PDGFD: variants seen among roughly 807,000 people sequenced by gnomAD.
PDGFD encodes the protein platelet-derived growth factor D.
PDGFD carries 30 observed loss-of-function variants against 44.7 expected under a neutral mutation model. The observed-to-expected ratio is 0.67, with a 90% CI of 0.50 to 0.91. The LOEUF is 0.91. Ranked by LOEUF, PDGFD falls within the 40% of genes least tolerant of loss-of-function variation. PDGFD has a pLI of 0.00. For missense variants in PDGFD, 445 were observed against 457.8 expected (o/e 0.97, Z 0.25); for synonymous variants, 173 against 168.4 (o/e 1.03, Z -0.21).
chr11:103,961,426 CAGA>C (rs1858933937), intron 3 of PDGFD, among the ~76,000 whole-genome samples: 1 of 152,118 alleles, frequency 6.6e-6, no homozygotes, highest in Non-Finnish European at 1.5e-5. Flanking sequence ...AGGAAGGTCT[CAGA>C]AGAAGTGGCC....
intron 3 of PDGFD, among the ~76,000 whole-genome samples, chr11:103,994,236 T>C (rs1455893683): frequency 5.3e-5 from 8 of 152,360 alleles, no homozygotes; most frequent in African/African-American, 1.7e-4. Flanking sequence ...TTAGCACTAA[T>C]AGTGCTTGGT....
At chr11:103,987,122 G>A (rs1265644604) in intron 3 of PDGFD, among the ~76,000 whole-genome samples, 1 of 145,272 alleles carries the variant, frequency 6.9e-6, no homozygotes, top group African/African-American at 2.6e-5. Flanking sequence ...AGTTTTTGCA[G>A]AGACTGATTT....
At chr11:103,918,248 C>T (rs1003072121) in intron 6 of PDGFD, among the ~76,000 whole-genome samples, 2 of 152,164 alleles carry the variant, frequency 1.3e-5, no homozygotes, top group Non-Finnish European at 2.9e-5. Flanking sequence ...TTCTATTGCA[C>T]TTACAATAGG....
intron 3 of PDGFD, among the ~76,000 whole-genome samples, chr11:103,981,952 T>TATAAGGTGCAA (rs1199353290): frequency 1.3e-5 from 2 of 151,856 alleles, no homozygotes; most frequent in Non-Finnish European, 2.9e-5. Context: ...GGTGCAACTA[T>TATAAGGTGCAA]ATGCCTCTTA....
chr11:103,985,195 A>G (rs1369988872), intron 3 of PDGFD, among the ~76,000 whole-genome samples: 1 of 141,726 alleles, frequency 7.1e-6, no homozygotes, highest in Non-Finnish European at 1.5e-5. Context: ...TATATAATAT[A>G]TATTAATACA....
chr11:104,145,047 C>A (rs543111328), intron 1 of PDGFD, among the ~76,000 whole-genome samples: 1 of 152,160 alleles, frequency 6.6e-6, no homozygotes, highest in East Asian at 1.9e-4. Flanking sequence ...TGATATTGTG[C>A]TAAATAACTA....
chr11:104,064,358 T>G (rs2134416266), intron 1 of PDGFD, among the ~76,000 whole-genome samples: 1 of 152,348 alleles, frequency 6.6e-6, no homozygotes, highest in South Asian at 2.1e-4. Flanking sequence ...TTCCAAAGTA[T>G]TCTTTATACA....
At chr11:104,045,254 A>G (rs1248516299) in intron 1 of PDGFD, among the ~76,000 whole-genome samples, 2 of 152,156 alleles carry the variant, frequency 1.3e-5, no homozygotes, top group African/African-American at 2.4e-5. Flanking sequence ...AGAATGTCCT[A>G]TTCTCTTTAT....
intron 1 of PDGFD, among the ~76,000 whole-genome samples, chr11:104,101,466 T>C (rs1023273774): frequency 6.6e-6 from 1 of 151,352 alleles, no homozygotes; most frequent in Non-Finnish European, 1.5e-5. Context: ...TATGAACAAA[T>C]GGAAGAATCA....
intron 2 of PDGFD, among the ~76,000 whole-genome samples, chr11:103,999,320 A>G (rs1343924442): frequency 6.6e-6 from 1 of 152,208 alleles, no homozygotes; most frequent in East Asian, 1.9e-4. Context: ...AAAAAGAAAA[A>G]AAAAATCTTC....
intron 1 of PDGFD, among the ~76,000 whole-genome samples, chr11:104,099,567 G>C (rs1487441571): frequency 2.0e-5 from 3 of 151,492 alleles, no homozygotes; most frequent in African/African-American, 7.3e-5. Flanking sequence ...AGGAGGCAGA[G>C]GTGGCAGTGA....
intron 6 of PDGFD, among the ~76,000 whole-genome samples, chr11:103,913,271 T>C (rs764520135): frequency 6.6e-6 from 1 of 152,116 alleles, no homozygotes; most frequent in Non-Finnish European, 1.5e-5. Flanking sequence ...CCTCAGCAAA[T>C]GCAAAAGAAC....
At chr11:104,028,964 G>C (rs1158685767) in intron 1 of PDGFD, among the ~76,000 whole-genome samples, 2 of 152,092 alleles carry the variant, frequency 1.3e-5, no homozygotes, top group Non-Finnish European at 1.5e-5. Flanking sequence ...ACTCTGATTA[G>C]TTCCTGTCCT....
chr11:103,908,570 A>T lies in PDGFD; in HGVS notation c.*1124T>A, dbSNP rs554025405. 1.6e-4 allele frequency: 25 copies of T among 152,346 alleles called. No homozygotes were observed. In the South Asian group the frequency reaches 4.6e-3, roughly 28 times the overall value. 9.4% of individuals were successfully genotyped at this position (152,346 alleles called of 1,614,324 possible). Reference sequence around the variant, plus strand: ...ACACAAAAGCTTTTAGGTTGTAAATAATCTATGATGGCCTGCCAAATATAA... The same window carrying T: ...ACACAAAAGCTTTTAGGTTGTAAATTATCTATGATGGCCTGCCAAATATAA... On this transcript the variant is annotated 3_prime_UTR_variant, in exon 7 of 7. Coordinates refer to ENST00000393158, the MANE Select transcript of PDGFD (RefSeq NM_025208.5).
chr11:104,041,099 A>G (rs1375059145), intron 1 of PDGFD, among the ~76,000 whole-genome samples: 1 of 152,072 alleles, frequency 6.6e-6, no homozygotes, highest in Non-Finnish European at 1.5e-5. Flanking sequence ...TTATGCCAGT[A>G]GAAATGACAA....
intron 1 of PDGFD, among the ~76,000 whole-genome samples, chr11:104,082,788 C>T (rs1861064873): frequency 6.6e-6 from 1 of 152,196 alleles, no homozygotes; most frequent in South Asian, 2.1e-4. Flanking sequence ...CACACCACTA[C>T]ACCCGGCTAA....
chr11:103,972,993 C>T (rs111965685), intron 3 of PDGFD, among the ~76,000 whole-genome samples: 1 of 152,096 alleles, frequency 6.6e-6, no homozygotes, highest in Non-Finnish European at 1.5e-5. Flanking sequence ...AGGAACTTCA[C>T]CAGGGTCTAA....
At chr11:103,975,279 T>A (rs184266154) in intron 3 of PDGFD, among the ~76,000 whole-genome samples, 51 of 152,366 alleles carry the variant, frequency 3.3e-4, no homozygotes, top group African/African-American at 1.2e-3. Context: ...GTTGGCCACA[T>A]AAATGTCTTC....
intron 1 of PDGFD, among the ~76,000 whole-genome samples, chr11:104,084,787 A>ATATAAAATACATATTTTATAAGTAT (rs1555051343): frequency 7.5e-6 from 1 of 133,108 alleles, no homozygotes; most frequent in Non-Finnish European, 1.5e-5. Flanking sequence ...ACATAAAATA[A>ATATAAAATACATATTTTATAAGTAT]TATAAAATAT....
Sources: gnomAD v4.1 joint callset for allele counts (sites outside exome capture counted in the v4.1 genomes callset) on GRCh38, gnomAD v4.1.1 for gene constraint, MANE v1.5 for transcripts, NCBI Gene and HGNC (gene_info 2026-07-23, HGNC 2026-07-21) for gene names.